The following TDRD6 variants were observed in gnomAD, a reference collection of about 807,000 sequenced individuals.
TDRD6 encodes the protein tudor domain-containing protein 6.
Under a neutral mutation model 157.5 loss-of-function variants are expected in TDRD6, and 186 were observed. The observed-to-expected ratio is 1.18, with a 90% CI of 1.05 to 1.33. TDRD6 has a LOEUF of 1.33. Among genes scored for constraint, TDRD6 ranks in the 40% most tolerant of loss-of-function variants. TDRD6 has a pLI of 0.00. For missense variants in TDRD6, 3,066 were observed against 2,508.0 expected, an observed-to-expected ratio of 1.22 and a Z score of -4.75; for synonymous variants, 1,075 against 945.2, an observed-to-expected ratio of 1.14 and a Z score of -2.52.
rs139294654 is a variant in TDRD6, at chr6:46,692,579, A to G, written c.4451A>G (p.Gln1484Arg). 4.7e-4 allele frequency: 761 copies of G among 1,613,800 alleles called. 3 individuals carry two copies. The African/African-American group carries it at 9.0e-3, about 19-fold the overall frequency. The change falls in exon 1 of 4, where the codon CAA becomes CGA. Residue 1484 changes from glutamine (Q) to arginine (R), a missense_variant. Coordinates refer to ENST00000316081, the MANE Select transcript of TDRD6 (RefSeq NM_001010870.3). ...ISRYALSEKS[Q>R]VELSTQVIKS... is the part of the protein sequence containing the mutation. ...AGGTATGCTCTCAGTGAAAAATCTC[A>G]AGTAGAACTTTCTACCCAAGTAATT... is the stretch of plus-strand genomic sequence containing the variant.
rs774358111 is a variant in TDRD6 at position 46,689,252 on chromosome 6, C to G, written c.1124C>G (p.Pro375Arg). 17 of 1,614,028 alleles carry G rather than the reference C, an allele frequency of 1.1e-5. No homozygotes were observed. In the South Asian group the frequency reaches 1.9e-4, roughly 18 times the overall value. The change falls in exon 1 of 4, where the codon CCT becomes CGT. Residue 375 changes from proline to arginine, a missense_variant. By Grantham distance (103) the Pro-to-Arg change is moderately radical (BLOSUM62 -2). Transcript: ENST00000316081. ...EYFRMPVVTY[P>R]CALYGLWDGG... ...TTTCGAATGCCGGTGGTGACCTACCCTTGTGCTTTGTATGGACTCTGGGAC... is the reference window on the plus strand; with the variant it reads ...TTTCGAATGCCGGTGGTGACCTACCGTTGTGCTTTGTATGGACTCTGGGAC...
chr6:46,690,664 C>T lies in TDRD6; in HGVS notation c.2536C>T (p.His846Tyr), dbSNP rs368418279. 2.9e-5 allele frequency: 47 copies of T among 1,614,026 alleles called. No homozygotes were observed. Among genetic ancestry groups the T allele is most frequent in the Non-Finnish European group, 3.6e-5 (42 of 1,180,034 alleles). Reference sequence around the variant, plus strand: ...TATTAGTGGGATACAGTCTGTGGAGCATGTCAATGTAACATTTGTAGATTA... The same window carrying T: ...TATTAGTGGGATACAGTCTGTGGAGTATGTCAATGTAACATTTGTAGATTA... Reference protein sequence around the residue: ...ALISGIQSVEHVNVTFVDYGD... With the variant: ...ALISGIQSVEYVNVTFVDYGD... Residue 846 changes from histidine (H) to tyrosine (Y), a missense_variant, in exon 1 of 4, where the codon CAT (histidine) becomes TAT (tyrosine). Transcript: ENST00000316081.
Position 46,692,487 on chromosome 6 carries a change from A to G in TDRD6, c.4359A>G (p.Lys1453=). ...CTGCAATAAGATGTGAATTTGTTAA[A>G]TTTCAAGACAGATGGGAAGTTATTC... is the stretch of plus-strand genomic sequence containing the variant. The part of the protein sequence containing the change: ...SEAAIRCEFV[K]FQDRWEVILA... Residue 1453 remains lysine, a synonymous_variant, in exon 1 of 4, where the codon AAA becomes AAG. Coordinates refer to ENST00000316081, the MANE Select transcript of TDRD6 (RefSeq NM_001010870.3). 6.2e-7 allele frequency: 1 copy of G among 1,613,848 alleles called. No homozygotes were observed. The highest frequency in any genetic ancestry group is 8.5e-7 in the Non-Finnish European group (1 of 1,180,000).
At chr6:46,701,293 G>A (rs1405011825) in intron 3 of TDRD6, among the ~76,000 whole-genome samples, 1 of 152,072 alleles carries the variant, frequency 6.6e-6, no homozygotes, top group Non-Finnish European at 1.5e-5. Context: ...AATTAATCTT[G>A]AAAGTTAAAT....
Position 46,692,669 on chromosome 6 carries a change from A to G in TDRD6, c.4541A>G (p.Tyr1514Cys), listed in dbSNP as rs146583160. Residue 1514 changes from tyrosine (Y) to cysteine (C), a missense_variant, in exon 1 of 4, where the codon TAT (tyrosine) becomes TGT (cysteine). Tyr to Cys is a radical substitution (Grantham distance 194, BLOSUM62 -2). Transcript: ENST00000316081. The stretch of plus-strand genomic sequence containing the variant: ...GACACTTCAGTATTTCTTAACTGGT[A>G]TAATCCAGAAAAAAAAATGATAAGA... ...DIDTSVFLNW[Y>C]NPEKKMIRAY... The G allele has an allele frequency of 1.9e-6, 3 of 1,613,736 alleles. No homozygotes were observed. Among genetic ancestry groups the G allele is most frequent in the Non-Finnish European group, 2.5e-6 (3 of 1,179,958 alleles).
rs777338238 is a variant in TDRD6, at chr6:46,693,499, G to A, written c.5371G>A (p.Glu1791Lys). ...CCCCTGCAAAGATAAAATTGATACT[G>A]AGGAACTGGAAGGTGAATTAGAGTG... The part of the protein sequence containing the change: ...ENPCKDKIDT[E>K]ELEGELECHL... Residue 1791 changes from glutamate (E) to lysine (K), a missense_variant, in exon 1 of 4, where the codon GAG becomes AAG. By Grantham distance (56) the Glu-to-Lys change is moderately conservative. Transcript: ENST00000316081. 8 of 1,613,706 alleles carry A rather than the reference G, an allele frequency of 5.0e-6. No individual in the cohort carries two copies. Among genetic ancestry groups the A allele is most frequent in the South Asian group, 2.2e-5 (2 of 91,036 alleles).
chr6:46,690,694 G>C lies in TDRD6; in HGVS notation c.2566G>C (p.Asp856His), dbSNP rs977051453. 36 of 1,614,008 alleles carry C rather than the reference G, an allele frequency of 2.2e-5. No homozygotes were observed. The highest frequency in any genetic ancestry group is 2.9e-5 in the Non-Finnish European group (34 of 1,179,992). ...CAATGTAACATTTGTAGATTATGGA[G>C]ACAGAGAAATGGTATCTGTGAAGAA... Reference protein sequence around the residue: ...HVNVTFVDYGDREMVSVKNIY... With the variant: ...HVNVTFVDYGHREMVSVKNIY... The change falls in exon 1 of 4, where the codon GAC (aspartate) becomes CAC (histidine). Residue 856 changes from aspartate (D) to histidine (H), a missense_variant. Coordinates refer to ENST00000316081, the MANE Select transcript of TDRD6 (RefSeq NM_001010870.3).
chr6:46,684,365 T>TTGTATG (rs1554175683), upstream of TDRD6, among the ~76,000 whole-genome samples: 2 of 146,988 alleles, frequency 1.4e-5, no homozygotes, highest in Non-Finnish European at 3.0e-5. Context: ...AAGCACACAT[T>TTGTATG]TGTGTGTGTG....
rs758307970 is a variant in TDRD6 at position 46,691,254 on chromosome 6, C to T, written c.3126C>T (p.Ala1042=). Residue 1042 remains alanine (A), a synonymous_variant, in exon 1 of 4, where the codon GCC becomes GCT. Coordinates refer to ENST00000316081, the MANE Select transcript of TDRD6 (RefSeq NM_001010870.3). Reference sequence around the variant, plus strand: ...TGAACCCTGGAACCTTGTGCCTTGCCAAGTATACTGATGGAAACTGGTATA... The same window carrying T: ...TGAACCCTGGAACCTTGTGCCTTGCTAAGTATACTGATGGAAACTGGTATA... ...SPLNPGTLCL[A]KYTDGNWYRG... is the part of the protein sequence containing the mutation. The T allele has an allele frequency of 6.2e-6, 10 of 1,613,904 alleles. No individual in the cohort carries two copies. Among genetic ancestry groups the T allele is most frequent in the Non-Finnish European group, 8.5e-6 (10 of 1,179,968 alleles).
Position 46,693,362 on chromosome 6 carries a change from AACAG to A in TDRD6, c.5240_5243del (p.Thr1747MetfsTer6), listed in dbSNP as rs1258405900. On this transcript the variant is annotated frameshift_variant, in exon 1 of 4. Coordinates refer to ENST00000316081, the MANE Select transcript of TDRD6 (RefSeq NM_001010870.3). LOFTEE classifies it high-confidence loss of function. Reference sequence around the variant, plus strand: ...GTACAAAATAAAATATATATGGAACAACAGACAGATGAGCTTGCTGAAATAACTG... The same window carrying A: ...GTACAAAATAAAATATATATGGAACAACAGATGAGCTTGCTGAAATAACTG... 1 of 1,610,010 alleles carries A rather than the reference AACAG, an allele frequency of 6.2e-7. No homozygotes were observed.
At chr6:46,696,321 C>T (rs1302022006) in intron 2 of TDRD6, among the ~76,000 whole-genome samples, 2 of 151,316 alleles carry the variant, frequency 1.3e-5, no homozygotes, top group African/African-American at 4.9e-5. Flanking sequence ...AATTGATTGT[C>T]CATGGTGTCA....
intron 2 of TDRD6, among the ~76,000 whole-genome samples, chr6:46,696,769 G>C (rs1183388714): frequency 1.3e-5 from 2 of 149,512 alleles, no homozygotes; most frequent in Non-Finnish European, 3.0e-5. Flanking sequence ...CCACCACGAC[G>C]CCCAGCTAAT....
Position 46,693,231 on chromosome 6 carries a change from T to C in TDRD6, c.5103T>C (p.Thr1701=). 1 of 1,613,170 alleles carries C rather than the reference T, an allele frequency of 6.2e-7. No individual in the cohort carries two copies. Among genetic ancestry groups the C allele is most frequent in the East Asian group, 2.2e-5 (1 of 44,832 alleles). Residue 1701 remains threonine, a synonymous_variant, in exon 1 of 4, where the codon ACT becomes ACC. Transcript: ENST00000316081. ...AGAAAATGGAGAAATATTCTAAGAC[T>C]GGTATTAAAAGTGCTCTTCCCTATG... ...INEKMEKYSK[T]GIKSALPYEN... is the part of the protein sequence containing the mutation.
rs1446667500 is a variant in TDRD6, at chr6:46,690,215, A to G, written c.2087A>G (p.Asn696Ser). The change falls in exon 1 of 4, where the codon AAC becomes AGC. Residue 696 changes from asparagine (N) to serine (S), a missense_variant. By Grantham distance (46) the Asn-to-Ser change is conservative. Coordinates refer to ENST00000316081, the MANE Select transcript of TDRD6 (RefSeq NM_001010870.3). Reference sequence around the variant, plus strand: ...TCAAACCACTTTACTACGGAGAGTAACAAAATACCTTTTGCCAAGACTGGA... The same window carrying G: ...TCAAACCACTTTACTACGGAGAGTAGCAAAATACCTTTTGCCAAGACTGGA... ...HVSNHFTTES[N>S]KIPFAKTGEG... 6.2e-7 allele frequency: 1 copy of G among 1,613,944 alleles called. No individual in the cohort carries two copies. The highest frequency in any genetic ancestry group is 8.5e-7 in the Non-Finnish European group (1 of 1,180,014).
chr6:46,690,895 A>G lies in TDRD6; in HGVS notation c.2767A>G (p.Thr923Ala). ...GCAAAAAAATCTAGAATTAAAATGTACAATATTTGCTCTGGCTTCAATTAA... is the reference window on the plus strand; with the variant it reads ...GCAAAAAAATCTAGAATTAAAATGTGCAATATTTGCTCTGGCTTCAATTAA... ...AWQKNLELKC[T>A]IFALASINEE... The change falls in exon 1 of 4, where the codon ACA (threonine) becomes GCA (alanine). Residue 923 changes from threonine (T) to alanine (A), a missense_variant. By Grantham distance (58) the Thr-to-Ala change is moderately conservative. Coordinates refer to ENST00000316081, the MANE Select transcript of TDRD6 (RefSeq NM_001010870.3). The G allele has an allele frequency of 2.5e-6, 4 of 1,614,028 alleles. No homozygotes were observed. Among genetic ancestry groups the G allele is most frequent in the Non-Finnish European group, 2.5e-6 (3 of 1,179,980 alleles).
chr6:46,686,846 C>T (rs1269214733), upstream of TDRD6, among the ~76,000 whole-genome samples: 1 of 152,156 alleles, frequency 6.6e-6, no homozygotes, highest in African/African-American at 2.4e-5. Context: ...GTGAAAAGTG[C>T]CGTGAAAAAG....
intron 3 of TDRD6, among the ~76,000 whole-genome samples, chr6:46,698,575 G>T (rs866296909): frequency 3.3e-5 from 5 of 152,126 alleles, no homozygotes; most frequent in Admixed American, 2.6e-4. Flanking sequence ...TGGGCAATTT[G>T]CCATGACATT....
chr6:46,695,884 C>T lies in TDRD6; in HGVS notation c.6110C>T (p.Ser2037Leu), dbSNP rs747967687. 6 of 1,613,434 alleles carry T rather than the reference C, an allele frequency of 3.7e-6. No individual in the cohort carries two copies. The South Asian group carries it at 6.6e-5, about 18-fold the overall frequency. ...GTTGGATCTAAATGTGTTGTGTGGT[C>T]AAGTCTAAGAAACACATGGTCTAAA... Reference protein sequence around the residue: ...FTVGSKCVVWSSLRNTWSKCE... With the variant: ...FTVGSKCVVWLSLRNTWSKCE... Residue 2037 changes from serine (S) to leucine (L), a missense_variant, in exon 2 of 4, where the codon TCA becomes TTA. By Grantham distance (145) the Ser-to-Leu change is moderately radical. Coordinates refer to ENST00000316081, the MANE Select transcript of TDRD6 (RefSeq NM_001010870.3).
upstream of TDRD6, among the ~76,000 whole-genome samples, chr6:46,684,367 G>T (rs1302847816): frequency 1.4e-5 from 2 of 142,046 alleles, no homozygotes; most frequent in East Asian, 2.0e-4. Context: ...GCACACATTT[G>T]TGTGTGTGTG....
Sources: gnomAD v4.1 joint callset for allele counts (sites outside exome capture counted in the v4.1 genomes callset) on GRCh38, gnomAD v4.1.1 for gene constraint, MANE v1.5 for transcripts, NCBI Gene and HGNC (gene_info 2026-07-23, HGNC 2026-07-21) for gene names.